DTD1: variants seen among roughly 807,000 people sequenced by gnomAD.
DTD1 encodes the protein D-tyrosyl-tRNA deacylase 1 homolog.
A neutral mutation model predicts 25.6 loss-of-function variants in DTD1; 13 were observed. The observed-to-expected ratio is 0.51, with a 90% CI of 0.33 to 0.81. DTD1 has a LOEUF of 0.81. DTD1 is among the 30% of genes least tolerant of loss of function. The pLI is 0.02. For synonymous variants in DTD1, 110 were observed against 103.6 expected (o/e 1.06, Z -0.37); for missense variants, 193 against 266.4 (o/e 0.72, Z 1.92).
intron 3 of DTD1, among the ~76,000 whole-genome samples, chr20:18,602,957 C>G (rs1003379650): frequency 8.8e-6 from 1 of 113,380 alleles, no homozygotes; most frequent in Admixed American, 9.1e-5. Flanking sequence ...ACTAAATTCT[C>G]CAATTAAAAG....
intron 4 of DTD1, among the ~76,000 whole-genome samples, chr20:18,742,491 G>C (rs2061282248): frequency 6.6e-6 from 1 of 152,176 alleles, no homozygotes; most frequent in Non-Finnish European, 1.5e-5. Flanking sequence ...CCTCCTGTCA[G>C]ATCAGCAGTG....
At chr20:18,640,521 T>A (rs933652823) in intron 4 of DTD1, among the ~76,000 whole-genome samples, 3 of 152,194 alleles carry the variant, frequency 2.0e-5, no homozygotes, top group Non-Finnish European at 4.4e-5. Context: ...AAGATTTTTT[T>A]AAATTGTGTT....
chr20:18,600,119 A>G (rs1340997794), intron 3 of DTD1, among the ~76,000 whole-genome samples: 1 of 152,120 alleles, frequency 6.6e-6, no homozygotes, highest in African/African-American at 2.4e-5. Flanking sequence ...AATAAAGCTT[A>G]GCTTATCAAT....
intron 1 of DTD1, among the ~76,000 whole-genome samples, chr20:18,591,497 C>T (rs2060589379): frequency 6.6e-6 from 1 of 151,792 alleles, no homozygotes; most frequent in Non-Finnish European, 1.5e-5. Flanking sequence ...AATTCTTATG[C>T]AATATTATTA....
chr20:18,692,253 G>A (rs2061050464), intron 4 of DTD1, among the ~76,000 whole-genome samples: 1 of 152,144 alleles, frequency 6.6e-6, no homozygotes, highest in African/African-American at 2.4e-5. Flanking sequence ...CCTAAGACAA[G>A]GAGTTTGACG....
At chr20:18,700,501 T>TA (rs979161681) in intron 4 of DTD1, among the ~76,000 whole-genome samples, 7 of 152,234 alleles carry the variant, frequency 4.6e-5, no homozygotes, top group African/African-American at 1.7e-4. Context: ...ACCTTTTTTT[T>TA]TTTTTAATTT....
rs897176317 is a variant in DTD1 at position 18,733,788 on chromosome 20, A to G, written c.478-10312A>G. 2.0e-5 allele frequency among the ~76,000 whole-genome samples: 3 copies of G among 152,224 alleles called. No individual in the cohort carries two copies. In the South Asian group the frequency reaches 6.2e-4, roughly 32 times the overall value. On this transcript the variant is annotated intron_variant, in intron 4 of 5. Transcript: ENST00000377452. The stretch of plus-strand genomic sequence containing the variant: ...TTGCTTGATTAAAAAAAATTCTACA[A>G]AAACCTCAAGCAGAGTTAATAATGT...
At chr20:18,694,868 T>C (rs956170249) in intron 4 of DTD1, among the ~76,000 whole-genome samples, 2 of 152,188 alleles carry the variant, frequency 1.3e-5, no homozygotes, top group African/African-American at 4.8e-5. Context: ...ACAGCAGTCT[T>C]ACACAGCATG....
At chr20:18,713,194 C>T (rs2061166761) in intron 4 of DTD1, among the ~76,000 whole-genome samples, 1 of 152,260 alleles carries the variant, frequency 6.6e-6, no homozygotes, top group African/African-American at 2.4e-5. Flanking sequence ...GCTCCTCTGC[C>T]AATTGTTCTT....
intron 4 of DTD1, among the ~76,000 whole-genome samples, chr20:18,700,180 A>G (rs951097197): frequency 2.0e-5 from 3 of 152,182 alleles, no homozygotes; most frequent in African/African-American, 7.2e-5. Flanking sequence ...GGCACATGGT[A>G]TTGATGTGTC....
chr20:18,673,763 C>T (rs1422305713), intron 4 of DTD1, among the ~76,000 whole-genome samples: 7 of 151,982 alleles, frequency 4.6e-5, no homozygotes, highest in Admixed American at 1.3e-4. Context: ...GTGTTTCAGC[C>T]GAGAGTCCCA....
At chr20:18,695,636 TC>T (rs1365322651) in intron 4 of DTD1, among the ~76,000 whole-genome samples, 5 of 87,936 alleles carry the variant, frequency 5.7e-5, no homozygotes, top group African/African-American at 2.3e-4. Context: ...TCTCTCTCTC[TC>T]TCCTTCTGCC....
At chr20:18,702,136 A>C (rs2061107838) in intron 4 of DTD1, among the ~76,000 whole-genome samples, 1 of 152,182 alleles carries the variant, frequency 6.6e-6, no homozygotes. Flanking sequence ...CAAAATGGTC[A>C]AAGATGAAAG....
chr20:18,686,463 A>G (rs1394393653), intron 4 of DTD1, among the ~76,000 whole-genome samples: 1 of 152,226 alleles, frequency 6.6e-6, no homozygotes, highest in Non-Finnish European at 1.5e-5. Flanking sequence ...TTAGCCTTCC[A>G]AAAAGTTTAT....
chr20:18,736,023 C>G (rs1228946744), intron 4 of DTD1, among the ~76,000 whole-genome samples: 1 of 152,118 alleles, frequency 6.6e-6, no homozygotes, highest in African/African-American at 2.4e-5. Flanking sequence ...TCCAATGTGG[C>G]TCAGGGAAGC....
intron 4 of DTD1, among the ~76,000 whole-genome samples, chr20:18,713,172 G>A (rs1316541732): frequency 6.6e-6 from 1 of 152,260 alleles, no homozygotes; most frequent in Non-Finnish European, 1.5e-5. Flanking sequence ...TTTGAAAGAT[G>A]CCTTTTTTTG....
chr20:18,599,723 A>T (rs1457233413), intron 3 of DTD1, among the ~76,000 whole-genome samples: 1 of 152,160 alleles, frequency 6.6e-6, no homozygotes, highest in Non-Finnish European at 1.5e-5. Flanking sequence ...TCTAATAGGT[A>T]TGTAGAGGTA....
Position 18,666,298 on chromosome 20 carries a change from C to T in DTD1, c.477+38065C>T, listed in dbSNP as rs553343517. ...TATGTGACATCCCTGGTGATGTTAA[C>T]CTTGATCACCTGGTTAATGTAATGT... On this transcript the variant is annotated intron_variant, in intron 4 of 5. Transcript: ENST00000377452. Among the ~76,000 whole-genome samples, 9 of 152,258 alleles carry T rather than the reference C, an allele frequency of 5.9e-5. No individual in the cohort carries two copies. In the South Asian group the frequency reaches 1.9e-3, roughly 32 times the overall value.
chr20:18,756,027 A>G (rs1323731024), intron 5 of DTD1, among the ~76,000 whole-genome samples: 2 of 151,206 alleles, frequency 1.3e-5, no homozygotes, highest in African/African-American at 4.9e-5. Context: ...GCCAGTGATG[A>G]TGAGCATTTT....
Sources: gnomAD v4.1 joint callset for allele counts (sites outside exome capture counted in the v4.1 genomes callset) on GRCh38, gnomAD v4.1.1 for gene constraint, MANE v1.5 for transcripts, NCBI Gene and HGNC (gene_info 2026-07-23, HGNC 2026-07-21) for gene names.